The following FGF12 variants were observed in gnomAD, a reference collection of about 807,000 sequenced individuals.
FGF12 encodes the protein fibroblast growth factor 12.
Under a neutral mutation model 23.6 loss-of-function variants are expected in FGF12, and 14 were observed. The ratio of observed to expected loss-of-function variants is 0.59; its 90% confidence interval spans 0.39 to 0.93. The LOEUF is 0.93. Ranked by LOEUF, FGF12 falls within the 40% of genes least tolerant of loss-of-function variation. The pLI is 0.00. For missense variants in FGF12, 175 were observed against 217.8 expected (o/e 0.80, Z 1.24); for synonymous variants, 62 against 77.3 (o/e 0.80, Z 1.04).
intron 2 of FGF12, among the ~76,000 whole-genome samples, chr3:192,546,852 C>A (rs1395604627): frequency 1.3e-5 from 2 of 152,154 alleles, no homozygotes; most frequent in African/African-American, 4.8e-5. Flanking sequence ...TAGTTTGAGA[C>A]CAGCCTGTGC....
chr3:192,193,076 CA>C (rs751816744), intron 4 of FGF12, among the ~76,000 whole-genome samples: 2 of 152,118 alleles, frequency 1.3e-5, no homozygotes, highest in Admixed American at 1.3e-4. Flanking sequence ...AGTTGGGTAT[CA>C]GTGGTCTGGG....
chr3:192,573,340 C>G (rs1449152341), intron 2 of FGF12, among the ~76,000 whole-genome samples: 1 of 151,926 alleles, frequency 6.6e-6, no homozygotes, highest in Non-Finnish European at 1.5e-5. Context: ...AAATATTATT[C>G]TAAGTATTCC....
intron 2 of FGF12, among the ~76,000 whole-genome samples, chr3:192,614,547 A>G (rs1196175327): frequency 6.6e-6 from 1 of 152,004 alleles, no homozygotes; most frequent in Non-Finnish European, 1.5e-5. Context: ...AAATTTGCTT[A>G]TTACCTTAGA....
intron 2 of FGF12, among the ~76,000 whole-genome samples, chr3:192,529,685 G>A (rs945560404): frequency 6.6e-6 from 1 of 152,172 alleles, no homozygotes; most frequent in African/African-American, 2.4e-5. Flanking sequence ...GGCTCGGGGG[G>A]CATCACAATC....
chr3:192,620,258 G>GCACA (rs5855440), intron 2 of FGF12, among the ~76,000 whole-genome samples: 2 of 151,244 alleles, frequency 1.3e-5, no homozygotes, highest in Non-Finnish European at 2.9e-5. Context: ...GCGCGCGCAC[G>GCACA]CACACACACA....
intron 2 of FGF12, among the ~76,000 whole-genome samples, chr3:192,370,420 G>A (rs978736921): frequency 2.6e-5 from 4 of 152,134 alleles, no homozygotes; most frequent in East Asian, 1.9e-4. Context: ...GTGCACACCC[G>A]CAGTCCTAGC....
rs377580432 is a variant in FGF12 at position 192,710,961 on chromosome 3, C to T, written c.13+16220G>A. Among the ~76,000 whole-genome samples, 391 of 152,248 alleles carry T rather than the reference C, an allele frequency of 2.6e-3. 3 individuals are homozygous for T. The highest frequency in any genetic ancestry group is 8.9e-3 in the African/African-American group (368 of 41,534). ...ACGTAAGAGGTAAGACCTAAAGATACGGACCTCAGGAGCTCCACAGTGAAA... is the reference window on the plus strand; with the variant it reads ...ACGTAAGAGGTAAGACCTAAAGATATGGACCTCAGGAGCTCCACAGTGAAA... On this transcript the variant is annotated intron_variant, in intron 2 of 5. Transcript: ENST00000445105.
chr3:192,420,771 C>T (rs1223386291), intron 2 of FGF12, among the ~76,000 whole-genome samples: 1 of 152,110 alleles, frequency 6.6e-6, no homozygotes, highest in African/African-American at 2.4e-5. Context: ...AATGCCCAAC[C>T]TCAGGTATTT....
chr3:192,589,227 C>T (rs145409884), intron 2 of FGF12, among the ~76,000 whole-genome samples: 10 of 150,930 alleles, frequency 6.6e-5, no homozygotes, highest in South Asian at 6.4e-4. Context: ...CCCAGCTACT[C>T]GGGAGGCTGA....
chr3:192,402,413 C>T (rs1720802870), intron 2 of FGF12, among the ~76,000 whole-genome samples: 1 of 152,228 alleles, frequency 6.6e-6, no homozygotes, highest in South Asian at 2.1e-4. Flanking sequence ...ATCAGCTTTC[C>T]ACTTCTCTCC....
intron 2 of FGF12, among the ~76,000 whole-genome samples, chr3:192,448,310 A>T (rs1237246713): frequency 6.6e-6 from 1 of 152,242 alleles, no homozygotes; most frequent in Non-Finnish European, 1.5e-5. Context: ...AACATGCCTT[A>T]GTTGTTCTGC....
chr3:192,494,861 A>T (rs1008032326), intron 2 of FGF12, among the ~76,000 whole-genome samples: 3 of 145,420 alleles, frequency 2.1e-5, no homozygotes, highest in African/African-American at 5.4e-5. Flanking sequence ...TATATATATA[A>T]AATACATTTT....
intron 3 of FGF12, among the ~76,000 whole-genome samples, chr3:192,359,424 A>G (rs1718620009): frequency 6.6e-6 from 1 of 152,200 alleles, no homozygotes; most frequent in Non-Finnish European, 1.5e-5. Flanking sequence ...TGATCACAAA[A>G]TTACATCCAT....
At chr3:192,370,480 C>G (rs976855665) in intron 2 of FGF12, among the ~76,000 whole-genome samples, 2 of 152,126 alleles carry the variant, frequency 1.3e-5, no homozygotes, top group African/African-American at 2.4e-5. Flanking sequence ...AAGTTCAAGG[C>G]TGCAGTGAGC....
At position 192,142,458 on chromosome 3, in the gene FGF12, C is replaced by T. The variant is rs983648914; in HGVS notation, c.*1551G>A. 6 of 139,858 alleles carry T rather than the reference C, an allele frequency of 4.3e-5. No homozygotes were observed. Among genetic ancestry groups the T allele is most frequent in the Middle Eastern group, 3.7e-3 (1 of 272 alleles). The allele number at this position is 139,858 out of a possible 1,614,324, so 8.7% of individuals were successfully genotyped here. A position where few individuals can be genotyped will look rare whatever the true frequency, so the allele number is the denominator to read the frequency against. ...GCTATGTCTTCTCATTGATAATATC[C>T]ATAAATCTGCATACATTTTTTAACA... On this transcript the variant is annotated 3_prime_UTR_variant, in exon 6 of 6. Coordinates refer to ENST00000445105, the MANE Select transcript of FGF12 (RefSeq NM_004113.6).
chr3:192,467,945 C>T (rs1268089628), intron 2 of FGF12, among the ~76,000 whole-genome samples: 1 of 152,162 alleles, frequency 6.6e-6, no homozygotes, highest in African/African-American at 2.4e-5. Flanking sequence ...AATGTCTTTG[C>T]TATTTGCATT....
intron 2 of FGF12, among the ~76,000 whole-genome samples, chr3:192,596,194 T>A (rs1047673359): frequency 1.4e-5 from 2 of 140,936 alleles, no homozygotes; most frequent in African/African-American, 5.4e-5. Context: ...TTTCTCATGA[T>A]GCCTACTCTA....
At chr3:192,367,223 C>A (rs778412612) in intron 2 of FGF12, among the ~76,000 whole-genome samples, 3 of 152,168 alleles carry the variant, frequency 2.0e-5, no homozygotes, top group Non-Finnish European at 2.9e-5. Context: ...AGACTGTTTA[C>A]CAGGCATCCA....
At chr3:192,146,336 T>C (rs1713714288) in intron 5 of FGF12, among the ~76,000 whole-genome samples, 2 of 151,276 alleles carry the variant, frequency 1.3e-5, no homozygotes, top group Admixed American at 1.3e-4. Context: ...TTTGGTGCTA[T>C]CTAGGCTCAC....
Sources: gnomAD v4.1 joint callset for allele counts (sites outside exome capture counted in the v4.1 genomes callset) on GRCh38, gnomAD v4.1.1 for gene constraint, MANE v1.5 for transcripts, NCBI Gene and HGNC (gene_info 2026-07-23, HGNC 2026-07-21) for gene names.